MYT1L: variants seen among roughly 807,000 people sequenced by gnomAD.
The protein encoded by MYT1L is myelin transcription factor 1 like.
A neutral mutation model predicts 126.7 loss-of-function variants in MYT1L; 12 were observed. The observed-to-expected ratio is 0.09, with a 90% CI of 0.06 to 0.15. MYT1L has a LOEUF of 0.15. Among genes scored for constraint, MYT1L ranks in the 10% least tolerant of loss-of-function variants. MYT1L has a pLI of 1.00. For synonymous variants in MYT1L, 541 were observed against 604.2 expected (o/e 0.90, Z 1.53); for missense variants, 979 against 1,585.2 (o/e 0.62, Z 6.49).
chr2:2,040,547 C>T (rs771856965), intron 4 of MYT1L, among the ~76,000 whole-genome samples: 3 of 152,158 alleles, frequency 2.0e-5, no homozygotes, highest in Non-Finnish European at 2.9e-5. Flanking sequence ...CTGGAAATTA[C>T]TTTTCAGGCA....
intron 19 of MYT1L, 96 bp downstream of exon 19, chr2:1,851,545 T>G (rs920427191): frequency 4.9e-6 from 6 of 1,228,358 alleles, no homozygotes; most frequent in Non-Finnish European, 7.1e-6. Flanking sequence ...GCCCATGGTG[T>G]CAAACTTCGC....
chr2:2,112,135 A>G (rs2079544634), intron 3 of MYT1L, among the ~76,000 whole-genome samples: 1 of 152,202 alleles, frequency 6.6e-6, no homozygotes, highest in African/African-American at 2.4e-5. Context: ...TGTGCTCCTC[A>G]GCGTGATTAA....
intron 1 of MYT1L, among the ~76,000 whole-genome samples, chr2:2,298,732 C>T (rs1559596545): frequency 6.6e-6 from 1 of 152,204 alleles, no homozygotes; most frequent in East Asian, 1.9e-4. Flanking sequence ...GCACAAGACA[C>T]GGCATGTTCT....
In MYT1L at chr2:1,890,132, C is replaced by T. The variant is rs377682504; in HGVS notation, c.2284-655G>A. On this transcript the variant is annotated intron_variant, in intron 15 of 24. Transcript: ENST00000647738. ...GTATCCAGGCTGGAGTGCAGTGGCA[C>T]GACCTGGGCTCACTGCAACCTCCAC... Among the ~76,000 whole-genome samples, 12 of 151,394 alleles carry T rather than the reference C, an allele frequency of 7.9e-5. No individual in the cohort carries two copies. The South Asian group carries it at 1.3e-3, about 16-fold the overall frequency.
At chr2:1,956,271 T>C (rs1295072366) in intron 8 of MYT1L, among the ~76,000 whole-genome samples, 2 of 140,862 alleles carry the variant, frequency 1.4e-5, no homozygotes, top group East Asian at 4.7e-4. Flanking sequence ...ATTCTATCTG[T>C]CTATCTACCT....
At position 2,235,360 on chromosome 2, in the gene MYT1L, TTAGAGGGGTGTGTG is replaced by T. The variant is rs538047901; in HGVS notation, c.-421+49030_-421+49043del. Among the ~76,000 whole-genome samples the T allele has an allele frequency of 7.7e-3, 489 of 63,524 alleles. 4 individuals carry two copies. Among genetic ancestry groups the T allele is most frequent in the Non-Finnish European group, 0.012 (401 of 32,484 alleles). The allele number at this position is 63,524 out of a possible 152,430, so 41.7% of individuals were successfully genotyped here. ...TTAGCGTGTTCCTCAGAGCTTCCCC[TTAGAGGGGTGTGTG>T]TAGAGGGGTGTGTGTAGCTGGTTAG... On this transcript the variant is annotated intron_variant, in intron 2 of 24. Coordinates refer to ENST00000647738, the MANE Select transcript of MYT1L (RefSeq NM_001303052.2).
At chr2:2,205,367 T>TAAAAATGTTTACTATGTTTAA (rs1482865723) in intron 2 of MYT1L, among the ~76,000 whole-genome samples, 2 of 152,228 alleles carry the variant, frequency 1.3e-5, no homozygotes, top group African/African-American at 2.4e-5. Context: ...TTTTACTATG[T>TAAAAATGTTTACTATGTTTAA]GAACCTTAAA....
At chr2:2,152,395 G>A (rs181962796) in intron 3 of MYT1L, among the ~76,000 whole-genome samples, 1 of 152,326 alleles carries the variant, frequency 6.6e-6, no homozygotes, top group Admixed American at 6.5e-5. Flanking sequence ...TCTCAAACTG[G>A]GGTTGACTGT....
intron 9 of MYT1L, among the ~76,000 whole-genome samples, chr2:1,935,226 C>T (rs991884446): frequency 6.6e-6 from 1 of 152,328 alleles, no homozygotes; most frequent in Non-Finnish European, 1.5e-5. Flanking sequence ...TTTATATACA[C>T]ACCTCTTCCA....
At chr2:2,141,973 T>C (rs2084049690) in intron 3 of MYT1L, among the ~76,000 whole-genome samples, 1 of 152,224 alleles carries the variant, frequency 6.6e-6, no homozygotes, top group Non-Finnish European at 1.5e-5. Context: ...TATTTTGAGA[T>C]TCTCCTTCTC....
intron 11 of MYT1L, among the ~76,000 whole-genome samples, chr2:1,913,389 T>C (rs1464667700): frequency 1.3e-5 from 2 of 152,144 alleles, no homozygotes; most frequent in South Asian, 2.1e-4. Flanking sequence ...TGCTGGCACC[T>C]GGCTGGAGGG....
At chr2:2,219,811 T>C (rs2093802275) in intron 2 of MYT1L, among the ~76,000 whole-genome samples, 2 of 152,210 alleles carry the variant, frequency 1.3e-5, no homozygotes, top group Non-Finnish European at 2.9e-5. Flanking sequence ...TGTCTCCTTT[T>C]TTCGGTGTAC....
intron 14 of MYT1L, among the ~76,000 whole-genome samples, chr2:1,899,065 G>A (rs1439256029): frequency 6.6e-6 from 1 of 152,260 alleles, no homozygotes; most frequent in African/African-American, 2.4e-5. Context: ...GCCCATTTGG[G>A]GGCTGGTAAC....
chr2:2,270,965 A>G (rs1250740261), intron 2 of MYT1L, among the ~76,000 whole-genome samples: 2 of 152,052 alleles, frequency 1.3e-5, no homozygotes, highest in Admixed American at 1.3e-4. Context: ...GAATGTACAA[A>G]CTCCTTACCC....
At chr2:2,057,230 A>G (rs1421592450) in intron 3 of MYT1L, among the ~76,000 whole-genome samples, 1 of 152,156 alleles carries the variant, frequency 6.6e-6, no homozygotes, top group African/African-American at 2.4e-5. Flanking sequence ...GTCCTTTTAT[A>G]GCCCCGCCCA....
intron 4 of MYT1L, among the ~76,000 whole-genome samples, chr2:2,049,218 C>T (rs185639601): frequency 1.1e-3 from 162 of 152,276 alleles, no homozygotes; most frequent in African/African-American, 3.1e-3. Context: ...GTTATATTAA[C>T]GGCACTGAGT....
intron 3 of MYT1L, among the ~76,000 whole-genome samples, chr2:2,126,539 C>T (rs1194939615): frequency 2.6e-5 from 4 of 152,054 alleles, no homozygotes; most frequent in Non-Finnish European, 4.4e-5. Context: ...TAGGGATTGG[C>T]GAGCCTGAGG....
chr2:1,839,996 A>G (rs10193615), intron 20 of MYT1L, among the ~76,000 whole-genome samples: 73,534 of 152,072 alleles, frequency 0.48, 19,972 homozygotes, highest in African/African-American at 0.74. Context: ...CAGGGCAGCA[A>G]AGGCGCCTGA....
intron 8 of MYT1L, among the ~76,000 whole-genome samples, chr2:1,973,783 C>T (rs145782183): frequency 2.9e-4 from 44 of 152,334 alleles, no homozygotes; most frequent in Non-Finnish European, 5.9e-4. Flanking sequence ...CGTGATGCTT[C>T]CCCTGCTCAG....
Sources: gnomAD v4.1 joint callset for allele counts (sites outside exome capture counted in the v4.1 genomes callset) on GRCh38, gnomAD v4.1.1 for gene constraint, MANE v1.5 for transcripts, NCBI Gene and HGNC (gene_info 2026-07-23, HGNC 2026-07-21) for gene names.